Variants in KIF22 observed in about 807,000 individuals in gnomAD.
KIF22 encodes the protein kinesin-like protein KIF22.
Under a neutral mutation model 73.0 loss-of-function variants are expected in KIF22, and 62 were observed. That is an observed-to-expected ratio of 0.85 (90% CI 0.69 to 1.05). The LOEUF is 1.05. Ranked by LOEUF, KIF22 falls within the 50% of genes least tolerant of loss-of-function variation. KIF22 has a pLI of 0.00. For synonymous variants in KIF22, 411 were observed against 340.1 expected (o/e 1.21, Z -2.29); for missense variants, 854 against 870.1 (o/e 0.98, Z 0.23).
chr16:29,799,715 A>C lies in KIF22; in HGVS notation c.1078A>C (p.Asn360His). 3 of 1,613,630 alleles carry C rather than the reference A, an allele frequency of 1.9e-6. No homozygotes were observed. Among genetic ancestry groups the C allele is most frequent in the Non-Finnish European group, 2.5e-6 (3 of 1,179,804 alleles). ...RFYLDTVSAL[N>H]FAARSKEVIN... is the part of the protein sequence containing the mutation. ...CTACCTAGACACAGTCTCCGCACTC[A>C]ACTTTGCTGCCAGGTCCAAGGAGGT... Residue 360 changes from asparagine to histidine, a missense_variant, in exon 7 of 14, where the codon AAC becomes CAC. Asn to His is a moderately conservative substitution (Grantham distance 68). Coordinates refer to ENST00000160827, the MANE Select transcript of KIF22 (RefSeq NM_007317.3).
At position 29,798,320 on chromosome 16, in the gene KIF22, A is replaced by C; in HGVS notation, c.267-54A>C. 1 of 1,152,300 alleles carries C rather than the reference A, an allele frequency of 8.7e-7. No individual in the cohort carries two copies. Among genetic ancestry groups the C allele is most frequent in the Non-Finnish European group, 1.2e-6 (1 of 846,572 alleles). 71.4% of individuals were successfully genotyped at this position (1,152,300 alleles called of 1,614,324 possible). A position where few individuals can be genotyped will look rare whatever the true frequency, so the allele number is the denominator to read the frequency against. ...CCACCCCACTCCACCCCTTACACAC[A>C]CACACACACACACACACACACACAC... On this transcript the variant is annotated intron_variant, in intron 2 of 13. Coordinates refer to ENST00000160827, the MANE Select transcript of KIF22 (RefSeq NM_007317.3). The surrounding 1 kb of genome is among the most constrained non-coding windows in gnomAD (Gnocchi z 4.1).
Position 29,799,540 on chromosome 16 carries a change from T to C in KIF22, c.990+46T>C, listed in dbSNP as rs752545227. The C allele has an allele frequency of 5.0e-6, 8 of 1,612,400 alleles. No individual in the cohort carries two copies. The East Asian group carries it at 1.6e-4, about 31-fold the overall frequency. On this transcript the variant is annotated intron_variant, in intron 6 of 13. Transcript: ENST00000160827. ...GGAAGAAGGGGCTGCAGAAGGAGGTTCTCAGGCCTGCTGTGGGGTGGGGAA... is the reference window on the plus strand; with the variant it reads ...GGAAGAAGGGGCTGCAGAAGGAGGTCCTCAGGCCTGCTGTGGGGTGGGGAA...
At chr16:29,803,657 AAGGGAGGAAGTGTT>A in intron 10 of KIF22, 49 bp downstream of exon 10, 1 of 1,447,962 alleles carries the variant, frequency 6.9e-7, no homozygotes, top group Non-Finnish European at 9.5e-7. Context: ...GAGATCCTAT[AAGGGAGGAAGTGTT>A]AGGAGCAGCT....
rs746216092 is a variant in KIF22 at position 29,798,955 on chromosome 16, C to T, written c.550-20C>T. ...AGCCTCTCTATGGAGAATTGCCCTT[C>T]CCCTTCACTGCTTACACAGGTATTA... On this transcript the variant is annotated intron_variant, in intron 4 of 13. Coordinates refer to ENST00000160827, the MANE Select transcript of KIF22 (RefSeq NM_007317.3). This position sits in a 1 kb window ranked among gnomAD's most constrained non-coding sequence, Gnocchi z 4.1. 52 of 1,610,468 alleles carry T rather than the reference C, an allele frequency of 3.2e-5. No homozygotes were observed. The highest frequency in any genetic ancestry group is 4.2e-5 in the Non-Finnish European group (50 of 1,176,622).
chr16:29,800,492 C>T (rs991142462), intron 8 of KIF22, among the ~76,000 whole-genome samples: 4 of 150,536 alleles, frequency 2.7e-5, no homozygotes, highest in African/African-American at 9.8e-5. Context: ...TGGCTAGGCA[C>T]GGTGGCTCAC....
chr16:29,805,200 C>T lies in KIF22; in HGVS notation c.1950+26C>T, dbSNP rs916460338. On this transcript the variant is annotated intron_variant, in intron 13 of 13. Transcript: ENST00000160827. ...GTGAAGTCACGGCCCTGCCCCTCCT[C>T]TGCCTGTCCTGCGCCCCGCGCCCCT... 3.1e-6 allele frequency: 5 copies of T among 1,614,020 alleles called. No individual in the cohort carries two copies. In the African/African-American group the frequency reaches 5.3e-5, roughly 17 times the overall value.
At position 29,796,996 on chromosome 16, in the gene KIF22, G is replaced by A. The variant is rs1898969823; in HGVS notation, c.174G>A (p.Ala58=). 6.2e-7 allele frequency: 1 copy of A among 1,614,042 alleles called. No homozygotes were observed. The highest frequency in any genetic ancestry group is 2.2e-5 in the East Asian group (1 of 44,868). ...TGCGGCCATTTGTGGATGGAACAGC[G>A]GGAGCAAGTGATCCCCCCTGTGTGC... ...VRLRPFVDGT[A]GASDPPCVRG... is the part of the protein sequence containing the mutation. The change falls in exon 2 of 14, where the codon GCG becomes GCA. Residue 58 remains alanine (A), a synonymous_variant. Coordinates refer to ENST00000160827, the MANE Select transcript of KIF22 (RefSeq NM_007317.3).
chr16:29,805,246 TC>T lies in KIF22; in HGVS notation c.1951-14del, dbSNP rs869275442. On this transcript the variant is annotated splice_polypyrimidine_tract_variant and intron_variant, in intron 13 of 13. Transcript: ENST00000160827. ...CCCCTCTCTAACGTCGCTGTCTCCC[TC>T]CCTCCTGTGTTGCAGGCAAACATCC... The T allele has an allele frequency of 5.0e-6, 8 of 1,613,890 alleles. No individual in the cohort carries two copies. The highest frequency in any genetic ancestry group is 1.6e-4 in the Middle Eastern group (1 of 6,062).
At position 29,797,937 on chromosome 16, in the gene KIF22, TAC is replaced by T. The variant is rs1485208696; in HGVS notation, c.267-433_267-432del. 6.6e-6 allele frequency among the ~76,000 whole-genome samples: 1 copy of T among 152,202 alleles called. No individual in the cohort carries two copies. Among genetic ancestry groups the T allele is most frequent in the Non-Finnish European group, 1.5e-5 (1 of 68,038 alleles). On this transcript the variant is annotated intron_variant, in intron 2 of 13. Transcript: ENST00000160827. The surrounding 1 kb of genome is among the most constrained non-coding windows in gnomAD (Gnocchi z 4.1). ...CATTATGGTGTAAAATACAATGTTC[TAC>T]ACATGTAGCCATTTGAAAAAGACTG...
At position 29,796,897 on chromosome 16, in the gene KIF22, T is replaced by C; in HGVS notation, c.75T>C (p.Ala25=). The C allele has an allele frequency of 6.2e-7, 1 of 1,614,080 alleles. No individual in the cohort carries two copies. Among genetic ancestry groups the C allele is most frequent in the Non-Finnish European group, 8.5e-7 (1 of 1,179,960 alleles). The change falls in exon 2 of 14, where the codon GCT becomes GCC. Residue 25 remains alanine, a synonymous_variant. Transcript: ENST00000160827. ...AAASAAAISG[A]GRCRLSKIGA... ...AAGTGATCTTCTCTCCTCCAGGAGC[T>C]GGTCGCTGTCGGCTAAGCAAGATTG...
intron 1 of KIF22, among the ~76,000 whole-genome samples, chr16:29,792,057 C>T (rs1320491824): frequency 1.3e-5 from 2 of 152,098 alleles, no homozygotes; most frequent in Non-Finnish European, 2.9e-5. Flanking sequence ...TCTGGGAGGA[C>T]TTCATTAAGG....
chr16:29,802,210 G>T (rs1444321388), intron 8 of KIF22, among the ~76,000 whole-genome samples: 2 of 144,814 alleles, frequency 1.4e-5, no homozygotes, highest in Admixed American at 1.4e-4. Flanking sequence ...CAAGGCTATA[G>T]TGAGCTGTGA....
At chr16:29,804,143 G>T (rs759253453) in intron 11 of KIF22, 78 bp downstream of exon 11, 6 of 1,210,942 alleles carry the variant, frequency 5.0e-6, no homozygotes, top group Non-Finnish European at 7.4e-6. Flanking sequence ...AGGAGCGTTG[G>T]CCTTGGGGTT....
chr16:29,798,488 A>C lies in KIF22; in HGVS notation c.381A>C (p.Gly127=), dbSNP rs1009047603. 2 of 1,614,124 alleles carry C rather than the reference A, an allele frequency of 1.2e-6. No individual in the cohort carries two copies. The highest frequency in any genetic ancestry group is 3.3e-4 in the Middle Eastern group (2 of 6,046). Residue 127 remains glycine (G), a synonymous_variant, in exon 3 of 14, where the codon GGA becomes GGC. Transcript: ENST00000160827. The surrounding 1 kb of genome is among the most constrained non-coding windows in gnomAD (Gnocchi z 4.1). ...EGQNASVLAY[G]PTGAGKTHTM... The stretch of plus-strand genomic sequence containing the variant: ...AGAATGCCAGTGTGCTTGCCTATGG[A>C]CCCACAGGAGCTGGTGAGGGAGCCA...
Position 29,796,981 on chromosome 16 carries a change from T to G in KIF22, c.159T>G (p.Phe53Leu). 1 of 1,614,118 alleles carries G rather than the reference T, an allele frequency of 6.2e-7. No individual in the cohort carries two copies. The highest frequency in any genetic ancestry group is 1.1e-5 in the South Asian group (1 of 91,082). Reference protein sequence around the residue: ...RVRVAVRLRPFVDGTAGASDP... With the variant: ...RVRVAVRLRPLVDGTAGASDP... ...GGGTGGCTGTGCGACTGCGGCCATT[T>G]GTGGATGGAACAGCGGGAGCAAGTG... Residue 53 changes from phenylalanine to leucine, a missense_variant, in exon 2 of 14, where the codon TTT becomes TTG. This residue lies in a region of KIF22 where 186 missense variants were observed against 152.9 expected (regional missense o/e 1.22). Transcript: ENST00000160827.
rs1899081647 is a variant in KIF22, at chr16:29,799,990, G to A, written c.1222G>A (p.Glu408Lys). Residue 408 changes from glutamate (E) to lysine (K), a missense_variant, in exon 8 of 14, where the codon GAG becomes AAG. This residue lies in a region of KIF22 where 423 missense variants were observed against 365.4 expected (regional missense o/e 1.16). Coordinates refer to ENST00000160827, the MANE Select transcript of KIF22 (RefSeq NM_007317.3). ...EAKRARGPEEEEIGSPEPMAA... is the reference protein window; with the variant it reads ...EAKRARGPEEKEIGSPEPMAA... ...AAAGAGAGCCCGAGGCCCTGAGGAA[G>A]AGGAGATCGGGAGCCCTGAGCCCAT... is the stretch of plus-strand genomic sequence containing the variant. 1.2e-6 allele frequency: 2 copies of A among 1,614,110 alleles called. No individual in the cohort carries two copies. Among genetic ancestry groups the A allele is most frequent in the Non-Finnish European group, 1.7e-6 (2 of 1,180,030 alleles).
rs985653640 is a variant in KIF22 at position 29,802,982 on chromosome 16, A to G, written c.1449+45A>G. Reference sequence around the variant, plus strand: ...GGGAGCTGGATTCCTATTGGCCTTGAGAAGCAATCCTTGGATCTTCAGACA... The same window carrying G: ...GGGAGCTGGATTCCTATTGGCCTTGGGAAGCAATCCTTGGATCTTCAGACA... On this transcript the variant is annotated intron_variant, in intron 9 of 13. Transcript: ENST00000160827. 7 of 1,582,520 alleles carry G rather than the reference A, an allele frequency of 4.4e-6. No individual in the cohort carries two copies. In the Admixed American group the frequency reaches 8.5e-5, roughly 19 times the overall value.
In KIF22 at chr16:29,798,777, C is replaced by G; in HGVS notation, c.549+30C>G. ...GGCCCCGTGCTGGTTGGGAGAGGAG[C>G]AACAAAGGGTCAAAGTAAGACCTGG... On this transcript the variant is annotated intron_variant, in intron 4 of 13. Transcript: ENST00000160827. This position sits in a 1 kb window ranked among gnomAD's most constrained non-coding sequence, Gnocchi z 4.1. 1 of 1,606,594 alleles carries G rather than the reference C, an allele frequency of 6.2e-7. No individual in the cohort carries two copies. The highest frequency in any genetic ancestry group is 8.5e-7 in the Non-Finnish European group (1 of 1,176,158).
At position 29,797,806 on chromosome 16, in the gene KIF22, A is replaced by G. The variant is rs943209810; in HGVS notation, c.267-568A>G. On this transcript the variant is annotated intron_variant, in intron 2 of 13. Transcript: ENST00000160827. This position sits in a 1 kb window ranked among gnomAD's most constrained non-coding sequence, Gnocchi z 4.1. ...CAGCCTCATTCCCTCAATATATATT[A>G]AACTCCCTGCTGTGGCCTAAGCTGC... Among the ~76,000 whole-genome samples the G allele has an allele frequency of 6.6e-6, 1 of 152,174 alleles. No homozygotes were observed. The highest frequency in any genetic ancestry group is 2.1e-4 in the South Asian group (1 of 4,834).
Sources: gnomAD v4.1 joint callset for allele counts (sites outside exome capture counted in the v4.1 genomes callset) on GRCh38, gnomAD v4.1.1 for gene constraint, gnomAD v4.1.1 regional missense constraint, Gnocchi (gnomAD v3.1) non-coding constraint, MANE v1.5 for transcripts, NCBI Gene and HGNC (gene_info 2026-07-23, HGNC 2026-07-21) for gene names.